Variants in SBF2 observed in about 807,000 individuals in gnomAD.
SBF2 encodes SET binding factor 2, also known as myotubularin-related protein 13.
Under a neutral mutation model 225.2 loss-of-function variants are expected in SBF2, and 112 were observed. That is an observed-to-expected ratio of 0.50 (90% CI 0.43 to 0.58). The LOEUF is 0.58. Ranked by LOEUF, SBF2 falls within the 20% of genes least tolerant of loss-of-function variation. The pLI is 0.00. For missense variants in SBF2, 1,996 were observed against 2,206.2 expected (o/e 0.90, Z 1.91); for synonymous variants, 763 against 773.3 (o/e 0.99, Z 0.22).
At chr11:10,110,561 A>G (rs1403646560) in intron 2 of SBF2, among the ~76,000 whole-genome samples, 2 of 152,198 alleles carry the variant, frequency 1.3e-5, no homozygotes, top group Non-Finnish European at 2.9e-5. Context: ...AAAATTTCAT[A>G]AAATTAGTAA....
intron 16 of SBF2, among the ~76,000 whole-genome samples, chr11:9,953,427 A>G (rs1444551426): frequency 1.3e-5 from 2 of 151,446 alleles, no homozygotes; most frequent in African/African-American, 4.8e-5. Flanking sequence ...CGGGTGACAG[A>G]GTGAGACTCA....
intron 32 of SBF2, 193 bp downstream of exon 32, chr11:9,807,807 G>C: frequency 1.6e-6 from 1 of 633,780 alleles, no homozygotes; most frequent in East Asian, 2.8e-5. Flanking sequence ...AGCTGTCCTA[G>C]TTTCAGAAAC....
intron 26 of SBF2, among the ~76,000 whole-genome samples, chr11:9,832,679 G>C (rs893444128): frequency 1.3e-5 from 2 of 152,050 alleles, no homozygotes; most frequent in South Asian, 4.1e-4. Flanking sequence ...GGGCTCAAGC[G>C]ATCCTCCTTC....
At chr11:9,928,998 G>C in intron 16 of SBF2, 1 of 483,238 alleles carries the variant, frequency 2.1e-6, no homozygotes, top group Non-Finnish European at 4.0e-6. Context: ...CAATGCATTT[G>C]GCCCAGGAAC....
chr11:10,121,273 A>G lies in SBF2; in HGVS notation c.141+72629T>C, dbSNP rs955802252. 2.0e-5 allele frequency among the ~76,000 whole-genome samples: 3 copies of G among 152,192 alleles called. No individual in the cohort carries two copies. The East Asian group carries it at 5.8e-4, about 29-fold the overall frequency. On this transcript the variant is annotated intron_variant, in intron 2 of 39. Transcript: ENST00000256190. ...GAAATACAATTAGATGAGAGACAAA[A>G]CTTTCAAGTAAGACTGGTTTGCTTC... is the stretch of plus-strand genomic sequence containing the variant.
chr11:10,068,816 G>C (rs1193953414), intron 2 of SBF2, among the ~76,000 whole-genome samples: 1 of 152,106 alleles, frequency 6.6e-6, no homozygotes, highest in Non-Finnish European at 1.5e-5. Flanking sequence ...CCCTCAAGGA[G>C]CTGATGAATG....
intron 2 of SBF2, among the ~76,000 whole-genome samples, chr11:10,084,984 T>C (rs1313669170): frequency 6.6e-6 from 1 of 152,032 alleles, no homozygotes; most frequent in African/African-American, 2.4e-5. Flanking sequence ...ATGGGTGCAA[T>C]ATATATTAGT....
At chr11:10,209,121 C>G (rs1309296720) in intron 1 of SBF2, among the ~76,000 whole-genome samples, 1 of 152,100 alleles carries the variant, frequency 6.6e-6, no homozygotes, top group East Asian at 1.9e-4. Flanking sequence ...CAATGTGTCC[C>G]TATCAATGTA....
intron 1 of SBF2, among the ~76,000 whole-genome samples, chr11:10,262,941 C>T (rs1248427963): frequency 6.6e-6 from 1 of 151,326 alleles, no homozygotes; most frequent in African/African-American, 2.4e-5. Context: ...AATTTTACTA[C>T]CATATAAGAC....
intron 6 of SBF2, among the ~76,000 whole-genome samples, chr11:10,021,580 G>A (rs768428711): frequency 1.2e-4 from 18 of 152,128 alleles, no homozygotes; most frequent in Admixed American, 4.6e-4. Flanking sequence ...AAAACACAGA[G>A]ACCTTTTAAA....
chr11:9,872,122 T>C (rs1858825014), intron 17 of SBF2, among the ~76,000 whole-genome samples: 3 of 152,182 alleles, frequency 2.0e-5, no homozygotes, highest in East Asian at 1.9e-4. Flanking sequence ...ATATACACCA[T>C]GGAAACTATG....
intron 1 of SBF2, among the ~76,000 whole-genome samples, chr11:10,257,077 C>A (rs944355090): frequency 6.6e-6 from 1 of 152,150 alleles, no homozygotes; most frequent in Non-Finnish European, 1.5e-5. Flanking sequence ...GGAAACATCA[C>A]GCATTAGCAA....
intron 2 of SBF2, among the ~76,000 whole-genome samples, chr11:10,181,772 A>C (rs1409014022): frequency 6.6e-6 from 1 of 152,160 alleles, no homozygotes; most frequent in Admixed American, 6.5e-5. Context: ...GCATTTCTTG[A>C]AAGTGAGGAA....
chr11:10,130,195 T>C (rs1591024657), intron 2 of SBF2, among the ~76,000 whole-genome samples: 1 of 151,958 alleles, frequency 6.6e-6, no homozygotes, highest in Admixed American at 6.6e-5. Flanking sequence ...ACCCCATCTC[T>C]ACTAAAAATA....
At chr11:10,277,774 T>C (rs2920154) in intron 1 of SBF2, among the ~76,000 whole-genome samples, 9,117 of 152,238 alleles carry the variant, frequency 0.06, 338 homozygotes, top group Middle Eastern at 0.14. Context: ...ATCAGAGTTA[T>C]GCTACCACCA....
At chr11:9,959,348 A>C (rs760597295) in intron 16 of SBF2, 2 of 778,666 alleles carry the variant, frequency 2.6e-6, no homozygotes, top group Non-Finnish European at 4.8e-6. Context: ...GGGCTCAGGG[A>C]ATCCACTGGA....
chr11:9,852,102 T>G (rs969927650), intron 21 of SBF2, among the ~76,000 whole-genome samples: 39 of 152,248 alleles, frequency 2.6e-4, no homozygotes, highest in African/African-American at 9.2e-4. Flanking sequence ...TATTATAAAG[T>G]TCTGTTATAT....
chr11:9,823,697 A>G (rs1042689074), intron 28 of SBF2, among the ~76,000 whole-genome samples: 1 of 152,198 alleles, frequency 6.6e-6, no homozygotes, highest in Non-Finnish European at 1.5e-5. Flanking sequence ...GTATGTTCAC[A>G]TAACAGAGAA....
intron 1 of SBF2, among the ~76,000 whole-genome samples, chr11:10,263,444 T>A (rs917280667): frequency 6.6e-5 from 10 of 152,112 alleles, no homozygotes; most frequent in Non-Finnish European, 1.5e-4. Flanking sequence ...ATCAAGAGAA[T>A]GAATTACAGT....
Sources: allele counts gnomAD v4.1 joint callset (sites outside exome capture counted in the v4.1 genomes callset), GRCh38; gene constraint gnomAD v4.1.1; transcripts MANE v1.5; gene names NCBI Gene and HGNC (gene_info 2026-07-23, HGNC 2026-07-21).